The following GPC6 variants were observed in gnomAD, a reference collection of about 807,000 sequenced individuals.
GPC6 encodes glypican-6.
In GPC6, 14 loss-of-function variants were observed where a neutral mutation model predicts 55.2. The ratio of observed to expected loss-of-function variants is 0.25; its 90% confidence interval spans 0.17 to 0.40. GPC6 has a LOEUF of 0.40. Among genes scored for constraint, GPC6 ranks in the 10% least tolerant of loss-of-function variants. GPC6 has a pLI of 1.00. For missense variants in GPC6, 641 were observed against 708.5 expected (o/e 0.90, Z 1.08); for synonymous variants, 278 against 259.6 (o/e 1.07, Z -0.68).
At chr13:93,302,428 G>T (rs1159270328) in intron 1 of GPC6, among the ~76,000 whole-genome samples, 1 of 152,168 alleles carries the variant, frequency 6.6e-6, no homozygotes, top group Non-Finnish European at 1.5e-5. Flanking sequence ...TTAACCTGGA[G>T]TATGTTTTAA....
In GPC6 at chr13:93,468,153, G is replaced by A. The variant is rs532911940; in HGVS notation, c.161-77110G>A. ...GTTAATTGAACCTGAAAACTCTTTA[G>A]TAGAGTCATAGAAAGTAAAATTTTT... On this transcript the variant is annotated intron_variant, in intron 1 of 8. Transcript: ENST00000377047. 1.1e-4 allele frequency among the ~76,000 whole-genome samples: 16 copies of A among 152,126 alleles called. No individual in the cohort carries two copies. The South Asian group carries it at 3.3e-3, about 31-fold the overall frequency.
chr13:93,575,634 CCTT>C (rs1210657370), intron 2 of GPC6, among the ~76,000 whole-genome samples: 1 of 152,148 alleles, frequency 6.6e-6, no homozygotes, highest in Non-Finnish European at 1.5e-5. Context: ...TCATTTCCTG[CCTT>C]CTTCTCAGTG....
At chr13:93,531,731 C>T (rs1055381973) in intron 1 of GPC6, among the ~76,000 whole-genome samples, 2 of 152,176 alleles carry the variant, frequency 1.3e-5, no homozygotes, top group Non-Finnish European at 1.5e-5. Context: ...AAACAATTCA[C>T]TATTTGTATC....
chr13:93,866,955 A>G (rs74111007), intron 3 of GPC6, among the ~76,000 whole-genome samples: 251 of 151,912 alleles, frequency 1.7e-3, no homozygotes, highest in African/African-American at 6.0e-3. Flanking sequence ...AAAGTTCAGA[A>G]ACAAAGGAAC....
At chr13:93,726,392 A>T (rs1018871560) in intron 2 of GPC6, among the ~76,000 whole-genome samples, 1 of 152,094 alleles carries the variant, frequency 6.6e-6, no homozygotes, top group African/African-American at 2.4e-5. Context: ...CTGGCCAATA[A>T]CCTTCCTAAC....
intron 1 of GPC6, among the ~76,000 whole-genome samples, chr13:93,279,838 A>G (rs1383686094): frequency 2.0e-5 from 3 of 152,216 alleles, no homozygotes; most frequent in Non-Finnish European, 4.4e-5. Flanking sequence ...TGCTTACTTT[A>G]CAGTATTCGT....
At chr13:94,118,247 G>A (rs953996215) in intron 4 of GPC6, among the ~76,000 whole-genome samples, 4 of 152,058 alleles carry the variant, frequency 2.6e-5, no homozygotes, top group African/African-American at 9.7e-5. Flanking sequence ...GTGATAGTGA[G>A]TGAGTTCTCA....
chr13:94,031,322 T>C (rs1350217903), intron 4 of GPC6, among the ~76,000 whole-genome samples: 4 of 152,208 alleles, frequency 2.6e-5, no homozygotes, highest in Non-Finnish European at 5.9e-5. Context: ...AAAATGCCGC[T>C]AGACCTATTT....
At chr13:93,712,400 C>A (rs571455885) in intron 2 of GPC6, among the ~76,000 whole-genome samples, 6 of 151,748 alleles carry the variant, frequency 4.0e-5, no homozygotes, top group African/African-American at 1.4e-4. Context: ...TAGCACGCAT[C>A]AGTAGGGTGG....
chr13:94,250,934 C>A (rs1205179414), intron 4 of GPC6, among the ~76,000 whole-genome samples: 1 of 152,190 alleles, frequency 6.6e-6, no homozygotes, highest in Admixed American at 6.5e-5. Flanking sequence ...GGATTTTCGA[C>A]ATTGATGCAG....
chr13:93,322,413 C>CT lies in GPC6; in HGVS notation c.160+94807dup, dbSNP rs1191997908. Among the ~76,000 whole-genome samples the CT allele has an allele frequency of 6.7e-3, 804 of 119,428 alleles. 5 individuals carry two copies. The highest frequency in any genetic ancestry group is 0.022 in the African/African-American group (743 of 33,100). 78.3% of individuals were successfully genotyped at this position (119,428 alleles called of 152,430 possible). A position where few individuals can be genotyped will look rare whatever the true frequency, so the allele number is the denominator to read the frequency against. On this transcript the variant is annotated intron_variant, in intron 1 of 8. Coordinates refer to ENST00000377047, the MANE Select transcript of GPC6 (RefSeq NM_005708.5). Reference sequence around the variant, plus strand: ...CAGAACCAGAAAATCTAAGTTAATTCTTTTTTTTTTCTTTCTTCTTTTTTT... The same window carrying CT: ...CAGAACCAGAAAATCTAAGTTAATTCTTTTTTTTTTTCTTTCTTCTTTTTTT...
chr13:94,221,168 T>C (rs1481970388), intron 4 of GPC6, among the ~76,000 whole-genome samples: 2 of 152,136 alleles, frequency 1.3e-5, no homozygotes, highest in African/African-American at 4.8e-5. Flanking sequence ...TGGAAATGTC[T>C]TGTTTTTAAA....
Position 93,662,561 on chromosome 13 carries a change from C to T in GPC6, c.319+117140C>T, listed in dbSNP as rs775718064. Among the ~76,000 whole-genome samples, 13 of 151,852 alleles carry T rather than the reference C, an allele frequency of 8.6e-5. 1 individual carries two copies. Among genetic ancestry groups the T allele is most frequent in the Middle Eastern group, 6.8e-3 (2 of 292 alleles). On this transcript the variant is annotated intron_variant, in intron 2 of 8. Transcript: ENST00000377047. ...AGGAGAATCGTTTGAACCCGGGAGG[C>T]GGAGGTTGCAGTGAGCCAAGATTGA...
chr13:93,343,027 C>A (rs1188898838), intron 1 of GPC6, among the ~76,000 whole-genome samples: 1 of 151,988 alleles, frequency 6.6e-6, no homozygotes, highest in Non-Finnish European at 1.5e-5. Flanking sequence ...GATATTTTTT[C>A]TTTTGCAGGT....
chr13:94,301,318 G>A (rs1875638299), intron 5 of GPC6, among the ~76,000 whole-genome samples: 1 of 152,140 alleles, frequency 6.6e-6, no homozygotes, highest in African/African-American at 2.4e-5. Context: ...GATAGCCTGA[G>A]CCCAGGAGAT....
At chr13:93,730,528 A>G (rs1883786444) in intron 2 of GPC6, among the ~76,000 whole-genome samples, 1 of 152,138 alleles carries the variant, frequency 6.6e-6, no homozygotes, top group Non-Finnish European at 1.5e-5. Flanking sequence ...GCCCTCCCCC[A>G]GAGCCTAGTC....
chr13:93,631,983 T>G (rs1219068889), intron 2 of GPC6, among the ~76,000 whole-genome samples: 1 of 152,186 alleles, frequency 6.6e-6, no homozygotes, highest in Non-Finnish European at 1.5e-5. Context: ...TGTGGATGAT[T>G]GTTGTTGAAG....
At chr13:94,105,598 G>A (rs1057310103) in intron 4 of GPC6, among the ~76,000 whole-genome samples, 3 of 152,178 alleles carry the variant, frequency 2.0e-5, no homozygotes, top group Non-Finnish European at 2.9e-5. Context: ...CTGAAGGAAG[G>A]TGAGAGAGAG....
chr13:94,324,989 G>A (rs551339332), intron 6 of GPC6, among the ~76,000 whole-genome samples: 5 of 152,284 alleles, frequency 3.3e-5, no homozygotes, highest in African/African-American at 1.2e-4. Flanking sequence ...CCTAACGTTA[G>A]AATCCTCGTG....
Sources: allele counts gnomAD v4.1 joint callset (sites outside exome capture counted in the v4.1 genomes callset), GRCh38; gene constraint gnomAD v4.1.1; transcripts MANE v1.5; gene names NCBI Gene and HGNC (gene_info 2026-07-23, HGNC 2026-07-21).